The following HOXC9 variants were observed in gnomAD, a reference collection of about 807,000 sequenced individuals.
HOXC9 encodes the protein homeobox protein Hox-C9.
A neutral mutation model predicts 20.0 loss-of-function variants in HOXC9; 10 were observed. The ratio of observed to expected loss-of-function variants is 0.50; its 90% CI spans 0.31 to 0.85. The LOEUF is 0.85. HOXC9 is among the 40% of genes least tolerant of loss of function. The pLI, the probability that HOXC9 is intolerant of heterozygous loss-of-function variation, is 0.05. For synonymous variants in HOXC9, 200 were observed against 163.7 expected (o/e 1.22, Z -1.69); for missense variants, 394 against 376.7 (o/e 1.05, Z -0.38).
intron 1 of HOXC9, among the ~76,000 whole-genome samples, chr12:54,002,107 T>C (rs933816875): frequency 6.6e-6 from 1 of 152,024 alleles, no homozygotes; most frequent in Non-Finnish European, 1.5e-5. Context: ...GAGAAGCGTT[T>C]ATGGGCCTAT....
rs1939696704 is a variant in HOXC9, at chr12:54,000,253, A to G, written c.65A>G (p.Asp22Gly). The G allele has an allele frequency of 6.2e-7, 1 of 1,613,954 alleles. No homozygotes were observed. Among genetic ancestry groups the G allele is most frequent in the African/African-American group, 1.3e-5 (1 of 74,972 alleles). The change falls in exon 1 of 2, where the codon GAC becomes GGC. Residue 22 changes from aspartate (D) to glycine (G), a missense_variant. Asp to Gly is a moderately conservative substitution (Grantham distance 94). Transcript: ENST00000303450. ...VDSLISHDNEDLLASRFPATG... is the reference protein window; with the variant it reads ...VDSLISHDNEGLLASRFPATG... ...TCGCTCATCTCTCACGACAATGAAGACCTCCTAGCGTCCAGGTTTCCGGCC... is the reference window on the plus strand; with the variant it reads ...TCGCTCATCTCTCACGACAATGAAGGCCTCCTAGCGTCCAGGTTTCCGGCC...
In HOXC9 at chr12:54,000,599, C is replaced by T; in HGVS notation, c.411C>T (p.Ser137=). The change falls in exon 1 of 2, where the codon AGC becomes AGT. Residue 137 remains serine, a synonymous_variant. Coordinates refer to ENST00000303450, the MANE Select transcript of HOXC9 (RefSeq NM_006897.3). ...ACTGCGGCCCAGGGGAGGGCCGCAGCTACCCGGACTACATGTACGGCTCGC... is the reference window on the plus strand; with the variant it reads ...ACTGCGGCCCAGGGGAGGGCCGCAGTTACCCGGACTACATGTACGGCTCGC... ...RADCGPGEGR[S]YPDYMYGSPG... The T allele has an allele frequency of 1.3e-6, 2 of 1,533,748 alleles. No individual in the cohort carries two copies. Among genetic ancestry groups the T allele is most frequent in the East Asian group, 2.4e-5 (1 of 41,134 alleles).
At chr12:54,000,834 G>A in intron 1 of HOXC9, 108 bp downstream of exon 1, 1 of 955,090 alleles carries the variant, frequency 1.0e-6, no homozygotes, top group East Asian at 3.1e-5. Context: ...GCGCGGGAGA[G>A]GGGCGAGGGG....
chr12:54,002,646 A>G lies in HOXC9; in HGVS notation c.755A>G (p.Lys252Arg). 6.2e-7 allele frequency: 1 copy of G among 1,614,076 alleles called. No individual in the cohort carries two copies. Among genetic ancestry groups the G allele is most frequent in the Non-Finnish European group, 8.5e-7 (1 of 1,179,974 alleles). ...AGGATGAAGATGAAAAAGATGAATA[A>G]AGAGAAAACCGACAAGGAGCAGTCC... is the stretch of plus-strand genomic sequence containing the variant. Reference protein sequence around the residue: ...NRRMKMKKMNKEKTDKEQS With the variant: ...NRRMKMKKMNREKTDKEQS The change falls in exon 2 of 2, where the codon AAA becomes AGA. Residue 252 changes from lysine to arginine, a missense_variant. By Grantham distance (26) the Lys-to-Arg change is conservative. Transcript: ENST00000303450.
chr12:54,001,755 C>T (rs1939749486), intron 1 of HOXC9, among the ~76,000 whole-genome samples: 1 of 152,082 alleles, frequency 6.6e-6, no homozygotes, highest in African/African-American at 2.4e-5. Flanking sequence ...AGGCTTGGCT[C>T]CTGCAGAGCC....
In HOXC9 at chr12:54,000,479, C is replaced by A; in HGVS notation, c.291C>A (p.Leu97=). The change falls in exon 1 of 2, where the codon CTC becomes CTA. Residue 97 remains leucine (L), a synonymous_variant. Transcript: ENST00000303450. The stretch of plus-strand genomic sequence containing the variant: ...ACACGCGCTACATGCGGACTTGGCT[C>A]GAGCCGCTGTCCGGCGCCGTCTCCT... ...GADTRYMRTW[L]EPLSGAVSFP... is the part of the protein sequence containing the mutation. 6 of 1,600,376 alleles carry A rather than the reference C, an allele frequency of 3.7e-6. No homozygotes were observed. The highest frequency in any genetic ancestry group is 5.1e-6 in the Non-Finnish European group (6 of 1,179,420).
In HOXC9 at chr12:54,003,234, C is replaced by T. The variant is rs1939791212; in HGVS notation, c.*560C>T. 6.6e-6 allele frequency: 1 copy of T among 152,618 alleles called. No homozygotes were observed. The highest frequency in any genetic ancestry group is 1.5e-5 in the Non-Finnish European group (1 of 68,358). The allele number at this position is 152,618 out of a possible 1,614,324, so 9.5% of individuals were successfully genotyped here. A position where few individuals can be genotyped will look rare whatever the true frequency, so the allele number is the denominator to read the frequency against. On this transcript the variant is annotated 3_prime_UTR_variant, in exon 2 of 2. Coordinates refer to ENST00000303450, the MANE Select transcript of HOXC9 (RefSeq NM_006897.3). ...CGCCTTGGGCTGTACATAGTGTTCC[C>T]TCTCATCCCCAGGGTTCGTCCCCAG...
In HOXC9 at chr12:54,002,829, G is replaced by C; in HGVS notation, c.*155G>C. On this transcript the variant is annotated 3_prime_UTR_variant, in exon 2 of 2. Transcript: ENST00000303450. ...AAAAGAAAAACAAGGAAGGGGAAAA[G>C]AAAACTCTTGCGATTTGGGAGGGTT... The C allele has an allele frequency of 1.1e-5, 9 of 834,026 alleles. No individual in the cohort carries two copies. Among genetic ancestry groups the C allele is most frequent in the Non-Finnish European group, 1.4e-5 (8 of 561,860 alleles). The allele number at this position is 834,026 out of a possible 1,614,324, so 51.7% of individuals were successfully genotyped here.
rs1394924756 is a variant in HOXC9 at position 54,000,380 on chromosome 12, G to C, written c.192G>C (p.Thr64=). 6 of 1,613,430 alleles carry C rather than the reference G, an allele frequency of 3.7e-6. No homozygotes were observed. Among genetic ancestry groups the C allele is most frequent in the Non-Finnish European group, 5.1e-6 (6 of 1,180,028 alleles). Residue 64 remains threonine, a synonymous_variant, in exon 1 of 2, where the codon ACG becomes ACC. Coordinates refer to ENST00000303450, the MANE Select transcript of HOXC9 (RefSeq NM_006897.3). ...SFAPKPAVFS[T]SWAPVPSQSS... ...CGCCCAAGCCGGCAGTGTTCAGCAC[G>C]TCGTGGGCGCCCGTGCCCTCTCAGT...
At position 54,000,733 on chromosome 12, in the gene HOXC9, T is replaced by A; in HGVS notation, c.538+7T>A. ...AAGGCCGACCTGGACCCCAGTAAGT[T>A]GGGAGCAATTTTCCTTTACAACCGG... On this transcript the variant is annotated splice_region_variant and intron_variant, in intron 1 of 1. Coordinates refer to ENST00000303450, the MANE Select transcript of HOXC9 (RefSeq NM_006897.3). The A allele has an allele frequency of 6.6e-7, 1 of 1,511,886 alleles. No homozygotes were observed. Among genetic ancestry groups the A allele is most frequent in the Non-Finnish European group, 8.8e-7 (1 of 1,138,618 alleles). The allele number at this position is 1,511,886 out of a possible 1,614,324, so 93.7% of individuals were successfully genotyped here. A position where few individuals can be genotyped will look rare whatever the true frequency, so the allele number is the denominator to read the frequency against.
At chr12:54,002,406 C>T in intron 1 of HOXC9, 24 bp from the exon 2 acceptor site, 1 of 1,609,134 alleles carries the variant, frequency 6.2e-7, no homozygotes, top group Non-Finnish European at 8.5e-7. Context: ...CTCCACTGAC[C>T]CCTGCTTGTG....
chr12:54,000,871 C>G, intron 1 of HOXC9, 145 bp downstream of exon 1: 1 of 719,250 alleles, frequency 1.4e-6, no homozygotes, highest in Non-Finnish European at 2.1e-6. Flanking sequence ...AGCGAATTAC[C>G]TTGGGGAGCT....
At chr12:54,000,924 T>A (rs999190026) in intron 1 of HOXC9, among the ~76,000 whole-genome samples, 198 bp downstream of exon 1, 1 of 151,884 alleles carries the variant, frequency 6.6e-6, no homozygotes, top group African/African-American at 2.4e-5. Context: ...GGGAGACAGG[T>A]TGGGAGAGGG....
intron 1 of HOXC9, among the ~76,000 whole-genome samples, chr12:54,001,560 G>A (rs1939745580): frequency 6.6e-6 from 1 of 152,062 alleles, no homozygotes; most frequent in Admixed American, 6.5e-5. Context: ...CAGAAAAAGG[G>A]GAAAGAAGGA....
intron 1 of HOXC9, among the ~76,000 whole-genome samples, chr12:54,001,166 T>G (rs1484305391): frequency 6.6e-6 from 1 of 151,922 alleles, no homozygotes; most frequent in African/African-American, 2.4e-5. Context: ...TGCTTCCCAG[T>G]CAGCGTGGAG....
chr12:54,000,371 G>T lies in HOXC9; in HGVS notation c.183G>T (p.Val61=). The T allele has an allele frequency of 1.2e-6, 2 of 1,613,752 alleles. No individual in the cohort carries two copies. The highest frequency in any genetic ancestry group is 8.5e-7 in the Non-Finnish European group (1 of 1,180,024). The change falls in exon 1 of 2, where the codon GTG becomes GTT. Residue 61 remains valine (V), a synonymous_variant. Coordinates refer to ENST00000303450, the MANE Select transcript of HOXC9 (RefSeq NM_006897.3). ...GTAGCTTCGCGCCCAAGCCGGCAGT[G>T]TTCAGCACGTCGTGGGCGCCCGTGC... ...PSCSFAPKPA[V]FSTSWAPVPS...
Position 54,000,697 on chromosome 12 carries a change from A to G in HOXC9, c.509A>G (p.His170Arg). 5 of 1,568,430 alleles carry G rather than the reference A, an allele frequency of 3.2e-6. No individual in the cohort carries two copies. Among genetic ancestry groups the G allele is most frequent in the Non-Finnish European group, 4.3e-6 (5 of 1,163,860 alleles). The change falls in exon 1 of 2, where the codon CAC becomes CGC. Residue 170 changes from histidine to arginine, a missense_variant. His to Arg is a conservative substitution (Grantham distance 29). Transcript: ENST00000303450. ...GCGGACGCGCTCGCCGGCAGCAAGC[A>G]CAAAGAGGAGAAGGCCGACCTGGAC... ...PEADALAGSK[H>R]KEEKADLDPS... is the part of the protein sequence containing the mutation.
Position 54,002,435 on chromosome 12 carries a change from C to T in HOXC9, c.544C>T (p.Pro182Ser). The change falls in exon 2 of 2, where the codon CCC becomes TCC. Residue 182 changes from proline (P) to serine (S), a missense_variant. Physicochemically the swap from Pro to Ser is moderately conservative, Grantham distance 74. Coordinates refer to ENST00000303450, the MANE Select transcript of HOXC9 (RefSeq NM_006897.3). ...GCTTGTGTTTGGCCCTCCAGGCAAC[C>T]CCGTGGCCAACTGGATTCACGCCCG... ...EEKADLDPSN[P>S]VANWIHARST... 1 of 1,613,522 alleles carries T rather than the reference C, an allele frequency of 6.2e-7. No homozygotes were observed. Among genetic ancestry groups the T allele is most frequent in the Non-Finnish European group, 8.5e-7 (1 of 1,179,640 alleles).
chr12:54,001,386 G>A (rs1005594873), intron 1 of HOXC9, among the ~76,000 whole-genome samples: 8 of 151,862 alleles, frequency 5.3e-5, no homozygotes, highest in African/African-American at 1.9e-4. Flanking sequence ...TGAGAATGGG[G>A]ATCAGGGATG....
Sources: allele counts gnomAD v4.1 joint callset (sites outside exome capture counted in the v4.1 genomes callset), GRCh38; gene constraint gnomAD v4.1.1; transcripts MANE v1.5; gene names NCBI Gene and HGNC (gene_info 2026-07-23, HGNC 2026-07-21).